PCNX2: variants seen among roughly 807,000 people sequenced by gnomAD.
PCNX2 encodes pecanex-like protein 2.
In PCNX2, 168 loss-of-function variants were observed where a neutral mutation model predicts 223.8. The ratio of observed to expected loss-of-function variants is 0.75; its 90% CI spans 0.66 to 0.85. The LOEUF (loss-of-function observed/expected upper bound fraction) is 0.85, where lower values mean the gene tolerates loss of function less well. PCNX2 is among the 40% of genes least tolerant of loss of function. The probability of loss-of-function intolerance (pLI) is 0.00; values close to 1 mark genes in which losing one functional copy is unlikely to be tolerated. For synonymous variants in PCNX2, 1,006 were observed against 1,052.6 expected, an observed-to-expected ratio of 0.96 and a Z score of 0.86; for missense variants, 2,507 against 2,675.5, an observed-to-expected ratio of 0.94 and a Z score of 1.39.
chr1:233,052,009 T>G (rs999648516), intron 25 of PCNX2, among the ~76,000 whole-genome samples: 3 of 152,196 alleles, frequency 2.0e-5, no homozygotes, highest in African/African-American at 7.2e-5. Flanking sequence ...TTTTCTGGCA[T>G]CTGTGCTAAA....
intron 1 of PCNX2, among the ~76,000 whole-genome samples, chr1:233,264,597 TTA>T (rs967216940): frequency 3.3e-5 from 5 of 152,170 alleles, no homozygotes; most frequent in Non-Finnish European, 5.9e-5. Context: ...CTCGCTCTTA[TTA>T]TGTCATGGGG....
intron 1 of PCNX2, among the ~76,000 whole-genome samples, chr1:233,292,377 T>C (rs1233009655): frequency 6.6e-6 from 1 of 151,908 alleles, no homozygotes; most frequent in Non-Finnish European, 1.5e-5. Context: ...CCAGCTAATT[T>C]TTTGTCTTTT....
At chr1:233,301,847 A>C in the PCNX2 span, among the ~76,000 whole-genome samples, 3 of 145,054 alleles carry the variant, frequency 2.1e-5, no homozygotes, top group Non-Finnish European at 3.0e-5. Context: ...GCCAGAATGC[A>C]GTGGTGCAAT....
chr1:233,073,608 A>C (rs1072497), intron 23 of PCNX2, among the ~76,000 whole-genome samples: 47,976 of 151,006 alleles, frequency 0.32, 10,091 homozygotes, highest in African/African-American at 0.61. Flanking sequence ...TATCTTTCTT[A>C]TTATTATTAT....
intron 28 of PCNX2, among the ~76,000 whole-genome samples, chr1:233,011,330 T>C (rs1204016831): frequency 1.3e-5 from 2 of 152,152 alleles, no homozygotes; most frequent in Non-Finnish European, 1.5e-5. Flanking sequence ...CCCAATTCTA[T>C]ACAAATTCAA....
chr1:233,100,878 T>C (rs1156657454), intron 21 of PCNX2, among the ~76,000 whole-genome samples: 2 of 152,256 alleles, frequency 1.3e-5, no homozygotes, highest in Non-Finnish European at 2.9e-5. Context: ...TCATTTGCCA[T>C]TTTTTGCATT....
chr1:233,320,053 G>A, the PCNX2 span, among the ~76,000 whole-genome samples: 7 of 152,086 alleles, frequency 4.6e-5, no homozygotes, highest in African/African-American at 1.7e-4. Context: ...GCAATATATT[G>A]TCCTGGCTGA....
intron 19 of PCNX2, among the ~76,000 whole-genome samples, chr1:233,146,633 G>A (rs1020657461): frequency 6.6e-6 from 1 of 152,128 alleles, no homozygotes; most frequent in Non-Finnish European, 1.5e-5. Context: ...CCAATTCAGA[G>A]AGACATGACA....
At chr1:233,120,629 A>G (rs966663887) in intron 21 of PCNX2, among the ~76,000 whole-genome samples, 25 of 152,238 alleles carry the variant, frequency 1.6e-4, no homozygotes, top group African/African-American at 5.3e-4. Flanking sequence ...CTGGATGAAT[A>G]ATATTGTGTG....
At chr1:233,028,352 T>A (rs1197702883) in intron 25 of PCNX2, among the ~76,000 whole-genome samples, 1 of 152,236 alleles carries the variant, frequency 6.6e-6, no homozygotes, top group Non-Finnish European at 1.5e-5. Flanking sequence ...ACTATAATTG[T>A]AGATTTTTCT....
intron 21 of PCNX2, among the ~76,000 whole-genome samples, chr1:233,132,019 C>A (rs1676534449): frequency 6.6e-6 from 1 of 151,928 alleles, no homozygotes; most frequent in African/African-American, 2.4e-5. Context: ...TCACTGCAAC[C>A]TCTTCCTCCC....
At chr1:233,029,088 T>A (rs925580165) in intron 25 of PCNX2, among the ~76,000 whole-genome samples, 1 of 152,308 alleles carries the variant, frequency 6.6e-6, no homozygotes, top group East Asian at 1.9e-4. Context: ...TCCACCCACC[T>A]TGGCCTCCCA....
At chr1:232,996,968 A>G (rs1184849759) in intron 32 of PCNX2, among the ~76,000 whole-genome samples, 3 of 144,650 alleles carry the variant, frequency 2.1e-5, no homozygotes, top group Non-Finnish European at 4.7e-5. Context: ...GCGGAGCTGG[A>G]CATGAATGTA....
In PCNX2 at chr1:233,089,908, T is replaced by A. The variant is rs1229338870; in HGVS notation, c.4076+153A>T. On this transcript the variant is annotated intron_variant, in intron 23 of 33. Transcript: ENST00000258229. ...CCCTGAGACCCAAGAGCTGAGTCAA[T>A]GAACTGAGGAGGTCATCAAGAGAGA... is the stretch of plus-strand genomic sequence containing the variant. The A allele has an allele frequency of 2.1e-6, 3 of 1,431,094 alleles. No homozygotes were observed. In the East Asian group the frequency reaches 7.6e-5, roughly 36 times the overall value. The allele number at this position is 1,431,094 out of a possible 1,614,324, so 88.6% of individuals were successfully genotyped here. A position where few individuals can be genotyped will look rare whatever the true frequency, so the allele number is the denominator to read the frequency against.
intron 26 of PCNX2, among the ~76,000 whole-genome samples, chr1:233,023,139 G>T (rs772094478): frequency 2.6e-5 from 4 of 152,156 alleles, no homozygotes; most frequent in Non-Finnish European, 5.9e-5. Context: ...TGCTCAGTCA[G>T]CCCCTGGATC....
At chr1:233,188,810 C>T (rs557804365) in intron 15 of PCNX2, among the ~76,000 whole-genome samples, 3 of 152,160 alleles carry the variant, frequency 2.0e-5, no homozygotes, top group Admixed American at 6.5e-5. Context: ...CATGAGCCAC[C>T]GCACCGGGCA....
intron 15 of PCNX2, 43 bp from the exon 16 acceptor site, chr1:233,179,218 G>A: frequency 1.3e-6 from 2 of 1,579,830 alleles, no homozygotes; most frequent in Non-Finnish European, 1.7e-6. Flanking sequence ...CCACAGCTGT[G>A]TGAATAGCAG....
chr1:233,196,676 T>C (rs1680753962), intron 15 of PCNX2, among the ~76,000 whole-genome samples: 2 of 152,100 alleles, frequency 1.3e-5, no homozygotes, highest in Admixed American at 6.6e-5. Flanking sequence ...CACACGAGAA[T>C]GGATTTAAGA....
chr1:233,172,447 T>C (rs1484039003), intron 17 of PCNX2: 1 of 985,406 alleles, frequency 1.0e-6, no homozygotes. Flanking sequence ...TCTCAAGGAT[T>C]CTCTTATTCT....
Sources: gnomAD v4.1 joint callset for allele counts (sites outside exome capture counted in the v4.1 genomes callset) on GRCh38, gnomAD v4.1.1 for gene constraint, MANE v1.5 for transcripts, NCBI Gene and HGNC (gene_info 2026-07-23, HGNC 2026-07-21) for gene names.